The following SEMA5A variants were observed in gnomAD, a reference collection of about 807,000 sequenced individuals.
SEMA5A encodes semaphorin-5A.
Under a neutral mutation model 135.5 loss-of-function variants are expected in SEMA5A, and 55 were observed. The observed-to-expected ratio is 0.41, with a 90% CI of 0.33 to 0.51. SEMA5A has a LOEUF of 0.51. Among genes scored for constraint, SEMA5A ranks in the 20% least tolerant of loss-of-function variants. The pLI, the probability that SEMA5A is intolerant of heterozygous loss-of-function variation, is 0.37. For synonymous variants in SEMA5A, 580 were observed against 546.5 expected (o/e 1.06, Z -0.85); for missense variants, 1,290 against 1,419.9 (o/e 0.91, Z 1.47).
chr5:9,136,598 G>A lies in SEMA5A; in HGVS notation c.1505C>T (p.Pro502Leu). 1 of 1,614,150 alleles carries A rather than the reference G, an allele frequency of 6.2e-7. No individual in the cohort carries two copies. The highest frequency in any genetic ancestry group is 1.7e-5 in the Admixed American group (1 of 60,022). ...TRSTCIGAQD[P>L]YCGWDVVMKK... is the part of the protein sequence containing the mutation. The stretch of plus-strand genomic sequence containing the variant: ...CATTACCACATCCCAGCCACAGTAA[G>A]GGTCCTGGGCCCCAATGCAGGTGCT... The change falls in exon 13 of 23, where the codon CCT becomes CTT. Residue 502 changes from proline (P) to leucine (L), a missense_variant. By Grantham distance (98) the Pro-to-Leu change is moderately conservative (BLOSUM62 -3). Around this residue, in one of 3 missense-constraint regions of SEMA5A, gnomAD observed 1,029 missense variants for 1,086.6 expected, o/e 0.95. Coordinates refer to ENST00000382496, the MANE Select transcript of SEMA5A (RefSeq NM_003966.3).
chr5:9,134,768 C>A (rs767278547), intron 13 of SEMA5A, among the ~76,000 whole-genome samples: 1 of 152,130 alleles, frequency 6.6e-6, no homozygotes, highest in Admixed American at 6.6e-5. Flanking sequence ...CAAAGATCTG[C>A]AAGAAGATTT....
rs1218722938 is a variant in SEMA5A, at chr5:9,036,547, T to TATG, written c.*6347_*6349dup. 1 of 152,144 alleles carries TATG rather than the reference T, an allele frequency of 6.6e-6. No homozygotes were observed. The highest frequency in any genetic ancestry group is 2.4e-5 in the African/African-American group (1 of 41,410). The allele number at this position is 152,144 out of a possible 1,614,324, so 9.4% of individuals were successfully genotyped here. On this transcript the variant is annotated 3_prime_UTR_variant, in exon 23 of 23. Coordinates refer to ENST00000382496, the MANE Select transcript of SEMA5A (RefSeq NM_003966.3). The stretch of plus-strand genomic sequence containing the variant: ...AACATTCTTATTACAGAACAATCAC[T>TATG]ATGATTTTTTTTGGAACATGTAAAA...
intron 2 of SEMA5A, among the ~76,000 whole-genome samples, chr5:9,426,083 T>C (rs1307180996): frequency 2.0e-5 from 3 of 152,172 alleles, no homozygotes; most frequent in Non-Finnish European, 4.4e-5. Flanking sequence ...TATCACCAAG[T>C]TATTAGCAGT....
chr5:9,339,513 C>G (rs1400723131), intron 3 of SEMA5A, among the ~76,000 whole-genome samples: 1 of 152,018 alleles, frequency 6.6e-6, no homozygotes, highest in Non-Finnish European at 1.5e-5. Flanking sequence ...GCATACAAAA[C>G]AGCACATTGA....
chr5:9,351,150 G>T (rs1409769512), intron 3 of SEMA5A, among the ~76,000 whole-genome samples: 1 of 120,382 alleles, frequency 8.3e-6, no homozygotes, highest in Admixed American at 9.5e-5. Context: ...AATAGCATCA[G>T]AATCTCTTAG....
At chr5:9,415,667 C>T (rs1757259272) in intron 2 of SEMA5A, among the ~76,000 whole-genome samples, 1 of 152,116 alleles carries the variant, frequency 6.6e-6, no homozygotes, top group Non-Finnish European at 1.5e-5. Flanking sequence ...AAGCAAATTA[C>T]ATGCAATTTT....
At chr5:9,284,692 C>G (rs1251344093) in intron 5 of SEMA5A, among the ~76,000 whole-genome samples, 2 of 152,098 alleles carry the variant, frequency 1.3e-5, no homozygotes, top group Admixed American at 6.5e-5. Flanking sequence ...AATCCCTGAT[C>G]ATGGGCTAAT....
At chr5:9,143,810 A>ACCTCTTTGTGGGCTT (rs1742188019) in intron 12 of SEMA5A, among the ~76,000 whole-genome samples, 1 of 151,654 alleles carries the variant, frequency 6.6e-6, no homozygotes. Flanking sequence ...GTTTATCTTG[A>ACCTCTTTGTGGGCTT]CCTCCTTGTG....
chr5:9,059,118 T>C (rs1737046079), intron 18 of SEMA5A, among the ~76,000 whole-genome samples: 1 of 152,180 alleles, frequency 6.6e-6, no homozygotes, highest in African/African-American at 2.4e-5. Flanking sequence ...CAGTTAAGTC[T>C]GATGAAAAGA....
At chr5:9,150,735 CAG>C (rs889370864) in intron 12 of SEMA5A, among the ~76,000 whole-genome samples, 27 of 152,096 alleles carry the variant, frequency 1.8e-4, no homozygotes, top group African/African-American at 6.5e-4. Context: ...TTTGGAAAAA[CAG>C]AGTATAAAAC....
chr5:9,252,933 CT>C (rs1748877219), intron 5 of SEMA5A, among the ~76,000 whole-genome samples: 1 of 152,114 alleles, frequency 6.6e-6, no homozygotes, highest in Admixed American at 6.5e-5. Flanking sequence ...GCTTTCTGAC[CT>C]GCTCCCTACC....
chr5:9,257,630 T>C (rs1165083265), intron 5 of SEMA5A, among the ~76,000 whole-genome samples: 2 of 151,904 alleles, frequency 1.3e-5, no homozygotes. Context: ...TCCTGACAGA[T>C]GAGGTCAGTG....
intron 5 of SEMA5A, among the ~76,000 whole-genome samples, chr5:9,294,388 G>A (rs1173555033): frequency 6.6e-6 from 1 of 152,250 alleles, no homozygotes; most frequent in South Asian, 2.1e-4. Flanking sequence ...AGGGGACCCT[G>A]GCCTTCGTTT....
chr5:9,459,960 G>A (rs1012079930), intron 1 of SEMA5A, among the ~76,000 whole-genome samples: 39 of 152,294 alleles, frequency 2.6e-4, no homozygotes, highest in African/African-American at 8.9e-4. Flanking sequence ...CAATTCTGCA[G>A]TGGTTCTAAA....
chr5:9,211,541 T>A (rs1014530873), intron 8 of SEMA5A, among the ~76,000 whole-genome samples: 1 of 152,094 alleles, frequency 6.6e-6, no homozygotes, highest in Non-Finnish European at 1.5e-5. Context: ...GCTCTCACTG[T>A]CCCCAGGTTG....
At chr5:9,224,918 A>C (rs746785654) in intron 7 of SEMA5A, 31 bp from the exon 8 acceptor site, 2 of 1,578,926 alleles carry the variant, frequency 1.3e-6, no homozygotes, top group Admixed American at 3.4e-5. Flanking sequence ...GAAAGCAGTT[A>C]TCTCTGCACA....
chr5:9,092,185 C>T (rs1227290167), intron 16 of SEMA5A, among the ~76,000 whole-genome samples: 1 of 152,134 alleles, frequency 6.6e-6, no homozygotes, highest in African/African-American at 2.4e-5. Context: ...TATTGTGAGA[C>T]AACTAAGCTG....
chr5:9,544,198 A>T (rs1480292140), intron 1 of SEMA5A, among the ~76,000 whole-genome samples: 1 of 152,180 alleles, frequency 6.6e-6, no homozygotes, highest in Admixed American at 6.5e-5. Flanking sequence ...TCGGTAAGCT[A>T]GACGTAAAAC....
chr5:9,118,853 A>G lies in SEMA5A; in HGVS notation c.1925+145T>C, dbSNP rs1307026032. Reference sequence around the variant, plus strand: ...TTGATCAAAATTAAAGGATGCCAGGAAAAGAAGAGGACGACTGGCTCAGCG... The same window carrying G: ...TTGATCAAAATTAAAGGATGCCAGGGAAAGAAGAGGACGACTGGCTCAGCG... On this transcript the variant is annotated intron_variant, in intron 15 of 22. Coordinates refer to ENST00000382496, the MANE Select transcript of SEMA5A (RefSeq NM_003966.3). The G allele has an allele frequency of 1.0e-5, 11 of 1,047,874 alleles. No homozygotes were observed. The East Asian group carries it at 2.4e-4, about 23-fold the overall frequency. 64.9% of individuals were successfully genotyped at this position (1,047,874 alleles called of 1,614,324 possible).
Sources: gnomAD v4.1 joint callset for allele counts (sites outside exome capture counted in the v4.1 genomes callset) on GRCh38, gnomAD v4.1.1 for gene constraint, gnomAD v4.1.1 regional missense constraint, MANE v1.5 for transcripts, NCBI Gene and HGNC (gene_info 2026-07-23, HGNC 2026-07-21) for gene names.